Variants in MAP4K3 observed in about 807,000 individuals in gnomAD.
The protein encoded by MAP4K3 is MAPK/ERK kinase kinase kinase 3.
In MAP4K3, 94 loss-of-function variants were observed where a neutral mutation model predicts 143.5. The observed-to-expected ratio is 0.65, with a 90% CI of 0.55 to 0.78. The LOEUF (loss-of-function observed/expected upper bound fraction) is 0.78. Ranked by LOEUF, MAP4K3 falls within the 30% of genes least tolerant of loss-of-function variation. The pLI is 0.00. For synonymous variants in MAP4K3, 416 were observed against 347.2 expected (o/e 1.20, Z -2.20); for missense variants, 1,077 against 1,068.1 (o/e 1.01, Z -0.12).
intron 3 of MAP4K3, among the ~76,000 whole-genome samples, chr2:39,349,153 T>C (rs1482323874): frequency 6.6e-6 from 1 of 152,226 alleles, no homozygotes; most frequent in African/African-American, 2.4e-5. Flanking sequence ...TATTCCACTA[T>C]ATTCAGCAAA....
At chr2:39,299,210 T>C (rs557183889) in intron 16 of MAP4K3, among the ~76,000 whole-genome samples, 1 of 152,304 alleles carries the variant, frequency 6.6e-6, no homozygotes, top group Non-Finnish European at 1.5e-5. Context: ...TGTGCCTCTA[T>C]CAATTAGACA....
intron 13 of MAP4K3, among the ~76,000 whole-genome samples, 167 bp downstream of exon 13, chr2:39,315,143 C>CCA (rs1350851188): frequency 5.9e-5 from 9 of 152,228 alleles, no homozygotes; most frequent in Non-Finnish European, 1.2e-4. Flanking sequence ...ACCAAAAATT[C>CCA]CACAAGAATA....
chr2:39,258,058 A>G (rs548925359), intron 31 of MAP4K3, among the ~76,000 whole-genome samples: 13 of 151,890 alleles, frequency 8.6e-5, no homozygotes, highest in African/African-American at 1.5e-4. Flanking sequence ...CAGCTTCCCA[A>G]GTAGCTCGGA....
chr2:39,274,143 A>AT (rs1661679709), intron 24 of MAP4K3, among the ~76,000 whole-genome samples: 1 of 152,140 alleles, frequency 6.6e-6, no homozygotes, highest in Non-Finnish European at 1.5e-5. Flanking sequence ...TATTTTCAAC[A>AT]TAGGGACAAT....
chr2:39,391,116 G>A (rs1666640888), intron 1 of MAP4K3, among the ~76,000 whole-genome samples: 1 of 152,080 alleles, frequency 6.6e-6, no homozygotes, highest in Non-Finnish European at 1.5e-5. Context: ...AGCACTTTGG[G>A]AGGCCAAGGC....
intron 32 of MAP4K3, among the ~76,000 whole-genome samples, chr2:39,252,758 A>C (rs1171336170): frequency 1.3e-5 from 2 of 152,266 alleles, no homozygotes; most frequent in Admixed American, 1.3e-4. Context: ...GATTTTCTAG[A>C]AACACTAATG....
intron 8 of MAP4K3, among the ~76,000 whole-genome samples, chr2:39,330,016 G>A (rs1683630674): frequency 6.6e-6 from 1 of 151,916 alleles, no homozygotes; most frequent in South Asian, 2.1e-4. Flanking sequence ...GAAAATATAA[G>A]AAAATTAATA....
intron 8 of MAP4K3, among the ~76,000 whole-genome samples, chr2:39,331,425 A>G (rs1356452475): frequency 6.6e-6 from 1 of 152,158 alleles, no homozygotes; most frequent in Non-Finnish European, 1.5e-5. Context: ...GGTAAGAGCT[A>G]AGGCTAATGA....
chr2:39,353,124 C>G (rs1163501029), intron 3 of MAP4K3, among the ~76,000 whole-genome samples: 1 of 152,182 alleles, frequency 6.6e-6, no homozygotes, highest in Non-Finnish European at 1.5e-5. Flanking sequence ...GATTAAATCC[C>G]AGTGCCACTA....
At chr2:39,309,548 ATTTTT>A (rs749101883) in intron 13 of MAP4K3, 29 bp from the exon 14 acceptor site, 692 of 338,872 alleles carry the variant, frequency 2.0e-3, no homozygotes, top group East Asian at 0.012. Context: ...TAAAACCAGG[ATTTTT>A]TTTTTTTTTT....
chr2:39,436,554 C>T (rs76709344), intron 1 of MAP4K3: 10,123 of 270,392 alleles, frequency 0.037, 235 homozygotes, highest in East Asian at 0.042. Flanking sequence ...GTCGCGCTGA[C>T]CCTGCCAACG....
intron 16 of MAP4K3, among the ~76,000 whole-genome samples, chr2:39,298,523 ATTTAG>A (rs1374538803): frequency 4.6e-5 from 7 of 152,200 alleles, no homozygotes; most frequent in East Asian, 1.9e-4. Context: ...AACATTTGGT[ATTTAG>A]TTTATTAAAA....
intron 12 of MAP4K3, among the ~76,000 whole-genome samples, chr2:39,317,697 A>C (rs1683163581): frequency 6.6e-6 from 1 of 152,206 alleles, no homozygotes; most frequent in African/African-American, 2.4e-5. Context: ...AATCAAAACC[A>C]TAATGAGATA....
chr2:39,365,808 A>G (rs1428779030), intron 2 of MAP4K3, among the ~76,000 whole-genome samples: 1 of 152,218 alleles, frequency 6.6e-6, no homozygotes, highest in Non-Finnish European at 1.5e-5. Context: ...CGAAAAATCA[A>G]CAAGGTTTCT....
intron 2 of MAP4K3, among the ~76,000 whole-genome samples, chr2:39,375,726 A>G (rs113820007): frequency 0.015 from 2,235 of 152,318 alleles, 23 homozygotes; most frequent in Admixed American, 0.022. Flanking sequence ...GATTATTCCC[A>G]TAAGACCCTT....
At chr2:39,387,072 C>G (rs1283609643) in intron 1 of MAP4K3, among the ~76,000 whole-genome samples, 1 of 152,086 alleles carries the variant, frequency 6.6e-6, no homozygotes, top group African/African-American at 2.4e-5. Flanking sequence ...CCTTGGCCTC[C>G]CAAAGTGCTG....
intron 1 of MAP4K3, among the ~76,000 whole-genome samples, chr2:39,435,839 C>A (rs981787199): frequency 3.0e-4 from 46 of 152,196 alleles, no homozygotes; most frequent in African/African-American, 1.1e-3. Flanking sequence ...TCCAGAAAAT[C>A]AGACTAAAGC....
chr2:39,334,790 C>T (rs1245392284), intron 6 of MAP4K3, among the ~76,000 whole-genome samples: 1 of 152,052 alleles, frequency 6.6e-6, no homozygotes, highest in Non-Finnish European at 1.5e-5. Flanking sequence ...AGTTCCAATT[C>T]CCATGGAGTT....
chr2:39,299,237 A>T (rs1485585582), intron 16 of MAP4K3, among the ~76,000 whole-genome samples: 1 of 152,108 alleles, frequency 6.6e-6, no homozygotes, highest in Non-Finnish European at 1.5e-5. Flanking sequence ...GGTGTAGAAG[A>T]GGCATTAAAT....
Sources: gnomAD v4.1 joint callset for allele counts (sites outside exome capture counted in the v4.1 genomes callset) on GRCh38, gnomAD v4.1.1 for gene constraint, MANE v1.5 for transcripts, NCBI Gene and HGNC (gene_info 2026-07-23, HGNC 2026-07-21) for gene names.